Variants in ARHGAP32 observed in about 807,000 individuals in gnomAD.
ARHGAP32 encodes Rho GTPase activating protein 32, also known as rho GTPase-activating protein 32.
A neutral mutation model predicts 186.5 loss-of-function variants in ARHGAP32; 51 were observed. The ratio of observed to expected loss-of-function variants is 0.27; its 90% CI spans 0.22 to 0.35. The LOEUF is 0.35. ARHGAP32 is among the 10% of genes least tolerant of loss of function. The pLI is 1.00. For synonymous variants in ARHGAP32, 950 were observed against 964.3 expected (o/e 0.99, Z 0.27); for missense variants, 2,186 against 2,623.5 (o/e 0.83, Z 3.64).
intron 5 of ARHGAP32, among the ~76,000 whole-genome samples, chr11:129,122,802 C>CT (rs532206547): frequency 4.6e-5 from 7 of 151,950 alleles, no homozygotes; most frequent in South Asian, 4.1e-4. Flanking sequence ...GAAATCAAGA[C>CT]TTTTTTTTCT....
intron 6 of ARHGAP32, among the ~76,000 whole-genome samples, chr11:129,092,153 G>A (rs1941594805): frequency 6.6e-6 from 1 of 151,818 alleles, no homozygotes; most frequent in Non-Finnish European, 1.5e-5. Flanking sequence ...TAAAAATCAA[G>A]TAACAATTAT....
rs73019181 is a variant in ARHGAP32, at chr11:129,201,995, T to G, written c.-4-37568A>C. ...AAGAGCCTGTCTCTGTCTGTCTGTC[T>G]GTCTGTCTGTGTCTCTATTTATTTA... On this transcript the variant is annotated intron_variant, in intron 1 of 6. Coordinates refer to the ARHGAP32 transcript ENST00000525234. Among the ~76,000 whole-genome samples the G allele has an allele frequency of 3.4e-3, 511 of 152,138 alleles. 3 individuals are homozygous for G. The highest frequency in any genetic ancestry group is 0.017 in the Middle Eastern group (5 of 294).
chr11:129,031,393 C>T (rs150182665), intron 11 of ARHGAP32, among the ~76,000 whole-genome samples: 1 of 152,014 alleles, frequency 6.6e-6, no homozygotes, highest in Admixed American at 6.5e-5. Flanking sequence ...ATGTGTATAC[C>T]CAGACAATAA....
chr11:129,198,294 T>G (rs1263067590), intron 1 of ARHGAP32, among the ~76,000 whole-genome samples: 1 of 152,236 alleles, frequency 6.6e-6, no homozygotes, highest in East Asian at 1.9e-4. Context: ...GTACTGTATT[T>G]TGAAGTCAAA....
chr11:129,192,627 C>T (rs1174142401), upstream of ARHGAP32, among the ~76,000 whole-genome samples: 1 of 152,158 alleles, frequency 6.6e-6, no homozygotes, highest in Non-Finnish European at 1.5e-5. Context: ...ATAACACCAT[C>T]CACTGGCCAA....
intron 5 of ARHGAP32, among the ~76,000 whole-genome samples, chr11:129,100,390 G>T (rs1941859495): frequency 6.6e-6 from 1 of 152,130 alleles, no homozygotes; most frequent in Admixed American, 6.5e-5. Context: ...CTATATCACA[G>T]CTTCTGCAAT....
intron 11 of ARHGAP32, among the ~76,000 whole-genome samples, chr11:129,031,141 A>C (rs1939096433): frequency 6.6e-6 from 1 of 152,212 alleles, no homozygotes; most frequent in Non-Finnish European, 1.5e-5. Context: ...GACTAACACA[A>C]CTGTGATATC....
intron 1 of ARHGAP32, among the ~76,000 whole-genome samples, chr11:129,228,316 G>C (rs556797815): frequency 6.6e-6 from 1 of 151,998 alleles, no homozygotes; most frequent in East Asian, 1.9e-4. Flanking sequence ...ACTGGTAAAA[G>C]AACAAACTAA....
chr11:129,214,250 T>C (rs1023526160), intron 1 of ARHGAP32, among the ~76,000 whole-genome samples: 40 of 152,168 alleles, frequency 2.6e-4, no homozygotes, highest in Admixed American at 1.3e-4. Flanking sequence ...AAATGAAGTA[T>C]AGACTTCAGT....
At chr11:128,978,085 T>A (rs980113133) in intron 19 of ARHGAP32, among the ~76,000 whole-genome samples, 3 of 151,972 alleles carry the variant, frequency 2.0e-5, no homozygotes, top group African/African-American at 7.2e-5. Context: ...ACTTCCCAAT[T>A]TGACTTGGAA....
intron 5 of ARHGAP32, among the ~76,000 whole-genome samples, chr11:129,103,975 C>A (rs561057011): frequency 2.0e-5 from 3 of 152,012 alleles, no homozygotes; most frequent in African/African-American, 7.2e-5. Flanking sequence ...TAGGAAATAT[C>A]TAAGTAACTA....
chr11:129,129,499 GC>G (rs1318801977), intron 2 of ARHGAP32, among the ~76,000 whole-genome samples: 1 of 152,144 alleles, frequency 6.6e-6, no homozygotes, highest in Non-Finnish European at 1.5e-5. Context: ...GAAGTGAGGA[GC>G]CCCTCTGCCC....
intron 6 of ARHGAP32, among the ~76,000 whole-genome samples, chr11:129,067,266 T>C (rs1039846770): frequency 6.6e-6 from 1 of 152,092 alleles, no homozygotes; most frequent in Non-Finnish European, 1.5e-5. Context: ...ACCAACATTT[T>C]CTGTGACTGA....
intron 20 of ARHGAP32, among the ~76,000 whole-genome samples, chr11:128,976,102 T>TATATATATATATATATA (rs1565351052): frequency 4.1e-5 from 6 of 146,322 alleles, no homozygotes; most frequent in African/African-American, 1.5e-4. Flanking sequence ...TATATATATA[T>TATATATATATATATATA]TCACAAATGT....
intron 10 of ARHGAP32, among the ~76,000 whole-genome samples, chr11:129,048,990 A>T (rs546161197): frequency 6.6e-6 from 1 of 152,288 alleles, no homozygotes; most frequent in East Asian, 1.9e-4. Context: ...AGTGCAAAGT[A>T]AGACTGGTAA....
At chr11:129,162,891 G>C (rs139402474) in intron 2 of ARHGAP32, among the ~76,000 whole-genome samples, 1 of 152,260 alleles carries the variant, frequency 6.6e-6, no homozygotes, top group East Asian at 1.9e-4. Context: ...CAAGAAGGGA[G>C]ATTTCCATTC....
chr11:128,996,461 C>T (rs1786459), intron 12 of ARHGAP32, among the ~76,000 whole-genome samples: 152,301 of 152,306 alleles, frequency 1, 76,148 homozygotes, highest in Non-Finnish European at 1. Context: ...GTCATCTCTT[C>T]ATGTTTTTTG....
intron 10 of ARHGAP32, among the ~76,000 whole-genome samples, chr11:129,056,877 C>T (rs989329558): frequency 2.6e-5 from 4 of 152,182 alleles, no homozygotes; most frequent in African/African-American, 9.7e-5. Context: ...AGCCCACATC[C>T]TTGCTCCTCT....
chr11:129,033,327 T>C lies in ARHGAP32; in HGVS notation c.1045+7601A>G, dbSNP rs552010912. ...GGTTACAGTTGTGTATCAACTTCAA[T>C]AGATAATGCCAATGATTGTCCCAAA... On this transcript the variant is annotated intron_variant, in intron 11 of 22. Transcript: ENST00000682385. Among the ~76,000 whole-genome samples the C allele has an allele frequency of 3.3e-5, 5 of 152,320 alleles. No homozygotes were observed. In the East Asian group the frequency reaches 9.6e-4, roughly 29 times the overall value.
Sources: gnomAD v4.1 joint callset for allele counts (sites outside exome capture counted in the v4.1 genomes callset) on GRCh38, gnomAD v4.1.1 for gene constraint, MANE v1.5 for transcripts, NCBI Gene and HGNC (gene_info 2026-07-23, HGNC 2026-07-21) for gene names.